RHAG: variants seen among roughly 807,000 people sequenced by gnomAD.
RHAG encodes the protein Rh associated glycoprotein, also known as ammonium transporter Rh type A.
RHAG carries 25 observed loss-of-function variants against 42.4 expected under a neutral mutation model. The ratio of observed to expected loss-of-function variants is 0.59; its 90% CI spans 0.43 to 0.82. The LOEUF is 0.82. Among genes scored for constraint, RHAG ranks in the 40% least tolerant of loss-of-function variants. The pLI is 0.00. For missense variants in RHAG, 483 were observed against 504.6 expected, an observed-to-expected ratio of 0.96 and a Z score of 0.41; for synonymous variants, 182 against 177.7, an observed-to-expected ratio of 1.02 and a Z score of -0.19.
chr6:49,612,792 T>C (rs1241125894), intron 5 of RHAG, among the ~76,000 whole-genome samples: 2 of 152,188 alleles, frequency 1.3e-5, no homozygotes, highest in Admixed American at 6.6e-5. Context: ...TGGAAGACAT[T>C]TGAGAAAATC....
chr6:49,610,885 C>A, intron 7 of RHAG, 139 bp downstream of exon 7: 1 of 937,122 alleles, frequency 1.1e-6, no homozygotes, highest in Non-Finnish European at 1.7e-6. Flanking sequence ...ATGATCTTCT[C>A]TCAGGCGCGT....
At chr6:49,619,030 G>A (rs952796445) in intron 2 of RHAG, 149 bp downstream of exon 2, 24 of 861,524 alleles carry the variant, frequency 2.8e-5, no homozygotes, top group Non-Finnish European at 4.4e-5. Context: ...CTTTCACAAG[G>A]ACACTGATCC....
chr6:49,614,183 T>A (rs1762611768), intron 5 of RHAG, among the ~76,000 whole-genome samples: 1 of 149,834 alleles, frequency 6.7e-6, no homozygotes, highest in Admixed American at 6.6e-5. Context: ...GGACAAAAAT[T>A]TTTTTTTTCT....
At chr6:49,611,292 G>A in intron 6 of RHAG, 147 bp from the exon 7 acceptor site, 1 of 626,328 alleles carries the variant, frequency 1.6e-6, no homozygotes, top group South Asian at 2.0e-5. Flanking sequence ...TATACAACAT[G>A]ATGTTATGAG....
At chr6:49,628,176 A>G (rs924749262) in intron 1 of RHAG, among the ~76,000 whole-genome samples, 1 of 151,764 alleles carries the variant, frequency 6.6e-6, no homozygotes, top group Admixed American at 6.6e-5. Context: ...AGAGAGAGAG[A>G]GACAGGGTCT....
At chr6:49,618,246 A>G in intron 2 of RHAG, 28 bp from the exon 3 acceptor site, 1 of 1,613,772 alleles carries the variant, frequency 6.2e-7, no homozygotes, top group Non-Finnish European at 8.5e-7. Context: ...TAAATTGAAG[A>G]GTAATGCACA....
intron 1 of RHAG, among the ~76,000 whole-genome samples, chr6:49,629,364 G>C (rs982016221): frequency 5.9e-5 from 9 of 151,508 alleles, no homozygotes; most frequent in Admixed American, 5.3e-4. Context: ...CACAGGTGCT[G>C]ATTGGTGTGT....
In RHAG at chr6:49,605,606, C is replaced by G; in HGVS notation, c.*207G>C. On this transcript the variant is annotated 3_prime_UTR_variant, in exon 10 of 10. Transcript: ENST00000371175. ...CAATTAATCATTGAAGAGCAAGAGA[C>G]AGCATCAGACATAAGGACATTTTTA... 1.5e-6 allele frequency: 1 copy of G among 660,394 alleles called. No individual in the cohort carries two copies. The highest frequency in any genetic ancestry group is 1.6e-5 in the South Asian group (1 of 63,540). 40.9% of individuals were successfully genotyped at this position (660,394 alleles called of 1,614,324 possible). A position where few individuals can be genotyped will look rare whatever the true frequency, so the allele number is the denominator to read the frequency against.
intron 1 of RHAG, among the ~76,000 whole-genome samples, chr6:49,630,164 C>T (rs1049802664): frequency 6.6e-6 from 1 of 152,202 alleles, no homozygotes; most frequent in Non-Finnish European, 1.5e-5. Flanking sequence ...TTCTAGATAC[C>T]TTTTAAGAAT....
Position 49,605,735 on chromosome 6 carries a change from G to A in RHAG, c.*78C>T. 1.6e-6 allele frequency: 2 copies of A among 1,277,972 alleles called. No individual in the cohort carries two copies. The highest frequency in any genetic ancestry group is 2.3e-5 in the East Asian group (1 of 43,326). The allele number at this position is 1,277,972 out of a possible 1,614,324, so 79.2% of individuals were successfully genotyped here. On this transcript the variant is annotated 3_prime_UTR_variant, in exon 10 of 10. Coordinates refer to ENST00000371175, the MANE Select transcript of RHAG (RefSeq NM_000324.3). Reference sequence around the variant, plus strand: ...TTGATTCTGGATAATGGGAAAGGAAGCTGGAGAGCAGGAATGGTGTTTAGA... The same window carrying A: ...TTGATTCTGGATAATGGGAAAGGAAACTGGAGAGCAGGAATGGTGTTTAGA...
chr6:49,631,322 ATGAAT>A (rs1371632330), intron 1 of RHAG, among the ~76,000 whole-genome samples: 10 of 152,214 alleles, frequency 6.6e-5, no homozygotes, highest in African/African-American at 2.4e-4. Flanking sequence ...CATTGCTGAA[ATGAAT>A]TATTACATTG....
chr6:49,610,554 A>G (rs1310884007), intron 7 of RHAG, among the ~76,000 whole-genome samples: 2 of 152,200 alleles, frequency 1.3e-5, no homozygotes, highest in Non-Finnish European at 2.9e-5. Context: ...CAGAGGTCAC[A>G]TAACTAGTTA....
At chr6:49,614,894 G>T in intron 4 of RHAG, 41 bp from the exon 5 acceptor site, 2 of 1,566,280 alleles carry the variant, frequency 1.3e-6, no homozygotes, top group Non-Finnish European at 1.8e-6. Flanking sequence ...TCTGAATATG[G>T]AAGACAGTCC....
chr6:49,621,254 G>A (rs1333664236), intron 1 of RHAG, among the ~76,000 whole-genome samples: 2 of 152,108 alleles, frequency 1.3e-5, no homozygotes, highest in South Asian at 2.1e-4. Flanking sequence ...TTTCCCTGGC[G>A]GTCAGGAGTG....
At chr6:49,635,909 A>G (rs1170807041) in intron 1 of RHAG, among the ~76,000 whole-genome samples, 1 of 152,164 alleles carries the variant, frequency 6.6e-6, no homozygotes, top group Non-Finnish European at 1.5e-5. Context: ...TATAATAGTG[A>G]CATACTACTG....
intron 9 of RHAG, chr6:49,606,587 A>G (rs1488672396): frequency 2.4e-6 from 1 of 417,460 alleles, no homozygotes; most frequent in African/African-American, 2.1e-5. Flanking sequence ...TACACTTGAC[A>G]TCCCATTGAA....
chr6:49,619,382 A>C lies in RHAG; in HGVS notation c.158-20T>G. On this transcript the variant is annotated intron_variant, in intron 1 of 9. Transcript: ENST00000371175. ...GGAACACTGGAAAAGAGGAAAGGAA[A>C]AAATATCTGCATTATGAGAGCATGA... 6.2e-7 allele frequency: 1 copy of C among 1,606,394 alleles called. No individual in the cohort carries two copies. Among genetic ancestry groups the C allele is most frequent in the South Asian group, 1.1e-5 (1 of 90,370 alleles).
intron 7 of RHAG, among the ~76,000 whole-genome samples, chr6:49,609,677 T>C (rs1264817266): frequency 6.6e-6 from 1 of 152,230 alleles, no homozygotes; most frequent in Non-Finnish European, 1.5e-5. Flanking sequence ...GCAAACTACT[T>C]AGTAGGAAAT....
intron 4 of RHAG, chr6:49,615,417 T>C (rs1470503637): frequency 4.0e-6 from 2 of 494,176 alleles, no homozygotes; most frequent in Middle Eastern, 5.4e-4. Flanking sequence ...TTTTTAGAGA[T>C]GGAGTCTCAT....
Sources: allele counts gnomAD v4.1 joint callset (sites outside exome capture counted in the v4.1 genomes callset), GRCh38; gene constraint gnomAD v4.1.1; transcripts MANE v1.5; gene names NCBI Gene and HGNC (gene_info 2026-07-23, HGNC 2026-07-21).